Variants in NFATC3 observed in about 807,000 individuals in gnomAD.
NFATC3 encodes nuclear factor of activated T-cells, cytoplasmic 3.
In NFATC3, 46 loss-of-function variants were observed where a neutral mutation model predicts 98.6. That is an observed-to-expected ratio of 0.47 (90% confidence interval 0.37 to 0.60). The LOEUF (loss-of-function observed/expected upper bound fraction) is 0.60. Among genes scored for constraint, NFATC3 ranks in the 20% least tolerant of loss-of-function variants. NFATC3 has a pLI of 0.00. For synonymous variants in NFATC3, 512 were observed against 472.2 expected (o/e 1.08, Z -1.09); for missense variants, 1,256 against 1,295.5 (o/e 0.97, Z 0.47).
At chr16:68,100,907 GGTGTGTGT>G (rs753839799) in intron 1 of NFATC3, among the ~76,000 whole-genome samples, 181 of 142,920 alleles carry the variant, frequency 1.3e-3, no homozygotes, top group African/African-American at 4.3e-3. Flanking sequence ...GTGTGTGTGG[GGTGTGTGT>G]GTGTGTGTGT....
chr16:68,219,963 T>G (rs1420969368), intron 9 of NFATC3, among the ~76,000 whole-genome samples: 1 of 152,238 alleles, frequency 6.6e-6, no homozygotes, highest in Non-Finnish European at 1.5e-5. Context: ...CACCTCATTC[T>G]TGTGTGTAGA....
At chr16:68,156,260 G>A (rs1287200301) in intron 3 of NFATC3, among the ~76,000 whole-genome samples, 2 of 151,984 alleles carry the variant, frequency 1.3e-5, no homozygotes, top group Non-Finnish European at 2.9e-5. Flanking sequence ...GGTTGCAGTG[G>A]GCTGAGATCG....
chr16:68,142,189 C>G (rs1411333870), intron 3 of NFATC3, among the ~76,000 whole-genome samples: 1 of 152,126 alleles, frequency 6.6e-6, no homozygotes, highest in African/African-American at 2.4e-5. Flanking sequence ...TTTCACGATA[C>G]TGAGTCGTCC....
intron 3 of NFATC3, among the ~76,000 whole-genome samples, chr16:68,135,761 G>C (rs2151528844): frequency 6.6e-6 from 1 of 151,910 alleles, no homozygotes; most frequent in Non-Finnish European, 1.5e-5. Context: ...ATAATGTTTG[G>C]GTTTTAGAAA....
chr16:68,217,817 C>T (rs1007913108), intron 9 of NFATC3: 8 of 1,231,024 alleles, frequency 6.5e-6, no homozygotes, highest in African/African-American at 4.7e-5. Flanking sequence ...GAGGAAGATA[C>T]GTACATCGCT....
intron 4 of NFATC3, among the ~76,000 whole-genome samples, chr16:68,161,988 T>A (rs1420220943): frequency 6.6e-6 from 1 of 152,154 alleles, no homozygotes. Context: ...ATAATTTATG[T>A]CCCTTCCTCA....
intron 1 of NFATC3, among the ~76,000 whole-genome samples, chr16:68,106,023 CACG>C (rs1567499737): frequency 1.3e-5 from 2 of 151,882 alleles, no homozygotes; most frequent in African/African-American, 4.8e-5. Flanking sequence ...GGATTACCAC[CACG>C]CCAGGCTAAC....
At chr16:68,220,018 G>T (rs887029231) in intron 9 of NFATC3, among the ~76,000 whole-genome samples, 1 of 152,114 alleles carries the variant, frequency 6.6e-6, no homozygotes, top group African/African-American at 2.4e-5. Context: ...TCTTGAATAC[G>T]AACTTTTTCT....
At chr16:68,208,645 G>A (rs947799174) in intron 9 of NFATC3, among the ~76,000 whole-genome samples, 1 of 151,888 alleles carries the variant, frequency 6.6e-6, no homozygotes, top group African/African-American at 2.4e-5. Flanking sequence ...CAGGAGAATC[G>A]CTTGAACCTG....
In NFATC3 at chr16:68,181,512, C is replaced by A; in HGVS notation, c.1953C>A (p.Ile651=). The A allele has an allele frequency of 6.2e-7, 1 of 1,610,542 alleles. No individual in the cohort carries two copies. Among genetic ancestry groups the A allele is most frequent in the Non-Finnish European group, 8.5e-7 (1 of 1,177,252 alleles). ...AGTGGGAGGTAGAAGGGAAGATAAT[C>A]AGGGAAAAATGTCAAGGGGTAAGAA... is the stretch of plus-strand genomic sequence containing the variant. ...RPQWEVEGKI[I]REKCQGAHIV... Residue 651 remains isoleucine (I), a synonymous_variant, in exon 7 of 10, where the codon ATC becomes ATA. Transcript: ENST00000346183.
intron 1 of NFATC3, chr16:68,089,178 GAGA>G (rs1484593334): frequency 4.1e-6 from 4 of 985,290 alleles, no homozygotes; most frequent in Non-Finnish European, 4.8e-6. Flanking sequence ...TCCATACAGT[GAGA>G]AGATTTTTGA....
At chr16:68,130,140 C>G (rs887342688) in intron 3 of NFATC3, among the ~76,000 whole-genome samples, 1 of 152,254 alleles carries the variant, frequency 6.6e-6, no homozygotes, top group Admixed American at 6.5e-5. Context: ...TTTTAATCTA[C>G]TGATTTCATT....
At chr16:68,175,708 C>T (rs989432242) in intron 6 of NFATC3, among the ~76,000 whole-genome samples, 4 of 151,760 alleles carry the variant, frequency 2.6e-5, no homozygotes, top group African/African-American at 7.3e-5. Context: ...TACCGGCACA[C>T]GCCACCACAC....
chr16:68,165,010 AG>A (rs2039120550), intron 4 of NFATC3, among the ~76,000 whole-genome samples: 1 of 152,174 alleles, frequency 6.6e-6, no homozygotes, highest in African/African-American at 2.4e-5. Flanking sequence ...TTTGCATTTA[AG>A]AGTTTTCAGA....
intron 2 of NFATC3, among the ~76,000 whole-genome samples, chr16:68,125,171 T>G (rs2036771099): frequency 6.6e-6 from 1 of 152,226 alleles, no homozygotes; most frequent in South Asian, 2.1e-4. Flanking sequence ...TGCTTAAGGC[T>G]GCAAAACAAA....
chr16:68,215,722 CTTTTTTTTTT>C (rs35024337), intron 9 of NFATC3, among the ~76,000 whole-genome samples: 2 of 96,040 alleles, frequency 2.1e-5, no homozygotes, highest in Non-Finnish European at 4.0e-5. Context: ...GAGATTTGCA[CTTTTTTTTTT>C]TTTTTTTTTT....
chr16:68,117,863 G>A (rs997050914), intron 1 of NFATC3, among the ~76,000 whole-genome samples: 3 of 152,144 alleles, frequency 2.0e-5, no homozygotes, highest in African/African-American at 7.2e-5. Flanking sequence ...ATAAATGTCA[G>A]GGACTTACTT....
At chr16:68,158,772 A>G (rs1347924961) in intron 4 of NFATC3, among the ~76,000 whole-genome samples, 2 of 152,096 alleles carry the variant, frequency 1.3e-5, no homozygotes, top group African/African-American at 4.8e-5. Context: ...CAGAGGGGTA[A>G]TAAGGAGAAA....
At chr16:68,201,551 G>T (rs1258006240) in intron 9 of NFATC3, among the ~76,000 whole-genome samples, 1 of 151,434 alleles carries the variant, frequency 6.6e-6, no homozygotes, top group South Asian at 2.1e-4. Context: ...TATTACAGGC[G>T]TGAGCCACTG....
Sources: allele counts gnomAD v4.1 joint callset (sites outside exome capture counted in the v4.1 genomes callset), GRCh38; gene constraint gnomAD v4.1.1; transcripts MANE v1.5; gene names NCBI Gene and HGNC (gene_info 2026-07-23, HGNC 2026-07-21).